F5: variants seen among roughly 807,000 people sequenced by gnomAD.
F5 encodes coagulation factor V, also known as activated protein c cofactor.
A neutral mutation model predicts 216.4 loss-of-function variants in F5; 138 were observed. That is an observed-to-expected ratio of 0.64 (90% confidence interval 0.56 to 0.73). The LOEUF is 0.73. F5 is among the 30% of genes least tolerant of loss of function. F5 has a pLI of 0.00. For missense variants in F5, 2,403 were observed against 2,674.0 expected (o/e 0.90, Z 2.24); for synonymous variants, 916 against 930.7 (o/e 0.98, Z 0.29).
At position 169,549,930 on chromosome 1, in the gene F5, T is replaced by C. The variant is rs1053103576; in HGVS notation, c.1482A>G (p.Thr494=). 6.2e-6 allele frequency: 10 copies of C among 1,614,192 alleles called. No homozygotes were observed. The South Asian group carries it at 9.9e-5, about 16-fold the overall frequency. The change falls in exon 10 of 25, where the codon ACA becomes ACG. Residue 494 remains threonine, a synonymous_variant. Coordinates refer to ENST00000367797, the MANE Select transcript of F5 (RefSeq NM_000130.5). Reference sequence around the variant, plus strand: ...TTGTTAAGCACTGGGCATCATTTTCTGTGGGTTCATCAAACTCTAAGATGT... The same window carrying C: ...TTGTTAAGCACTGGGCATCATTTTCCGTGGGTTCATCAAACTCTAAGATGT... ...KWNILEFDEP[T]ENDAQCLTRP... is the part of the protein sequence containing the mutation.
intron 14 of F5, among the ~76,000 whole-genome samples, chr1:169,533,619 C>A (rs921883265): frequency 1.3e-5 from 2 of 151,986 alleles, no homozygotes; most frequent in South Asian, 2.1e-4. Flanking sequence ...AGAAGACATA[C>A]AAATAGCCAA....
rs1180481755 is a variant in F5, at chr1:169,524,861, G to A, written c.5764C>T (p.Gln1922Ter). 1.2e-6 allele frequency: 2 copies of A among 1,613,600 alleles called. No homozygotes were observed. Among genetic ancestry groups the A allele is most frequent in the African/African-American group, 1.3e-5 (1 of 74,862 alleles). Residue 1922 changes from glutamine to a stop codon, truncating the protein, a stop_gained, in exon 19 of 25, where the codon CAG becomes TAG. Transcript: ENST00000367797. LOFTEE classifies it high-confidence loss of function. The stretch of plus-strand genomic sequence containing the variant: ...CCCAGAAACTCTGAAGCCTTGATCT[G>A]TGAATCAGATATGATACCAGTGCTT... ...GLSTGIISDS[Q>*]IKASEFLGYW... is the part of the protein sequence containing the mutation.
intron 2 of F5, among the ~76,000 whole-genome samples, chr1:169,577,535 T>C (rs1227877243): frequency 7.5e-6 from 1 of 132,916 alleles, no homozygotes; most frequent in East Asian, 2.2e-4. Flanking sequence ...ATGACAGGTA[T>C]GTACCACCAT....
intron 24 of F5, 27 bp from the exon 25 acceptor site, chr1:169,514,486 T>C: frequency 6.2e-7 from 1 of 1,604,796 alleles, no homozygotes; most frequent in Non-Finnish European, 8.5e-7. Flanking sequence ...AGAAAATCTT[T>C]AATGACAACA....
In F5 at chr1:169,540,982, G is replaced by T; in HGVS notation, c.4108C>A (p.Leu1370Ile). ...DPSHTTLSLDLSQTNLSPELS... is the reference protein window; with the variant it reads ...DPSHTTLSLDISQTNLSPELS... ...TCTGGAGAGAGGTTTGTCTGGCTGA[G>T]GTCTAGAGAAAGGGTTGTATGGCTG... Residue 1370 changes from leucine to isoleucine, a missense_variant, in exon 13 of 25, where the codon CTC becomes ATC. Around this residue, in one of 4 missense-constraint regions of F5, gnomAD observed 293 missense variants for 270.8 expected, o/e 1.08. Coordinates refer to ENST00000367797, the MANE Select transcript of F5 (RefSeq NM_000130.5). 1 of 1,594,044 alleles carries T rather than the reference G, an allele frequency of 6.3e-7. No homozygotes were observed. Among genetic ancestry groups the T allele is most frequent in the Non-Finnish European group, 8.6e-7 (1 of 1,165,188 alleles).
chr1:169,556,560 G>C, intron 6 of F5, 86 bp downstream of exon 6: 1 of 1,356,670 alleles, frequency 7.4e-7, no homozygotes, highest in Admixed American at 1.8e-5. Context: ...CAGGTGGCTT[G>C]AAAGGGCAAG....
chr1:169,520,120 T>C (rs2227244), intron 22 of F5, among the ~76,000 whole-genome samples: 37,239 of 152,072 alleles, frequency 0.24, 4,759 homozygotes, highest in Admixed American at 0.34. Flanking sequence ...TTGAACACCA[T>C]ATATATGGCA....
rs1376851823 is a variant in F5, at chr1:169,513,188, A to G, written c.*1125T>C. On this transcript the variant is annotated 3_prime_UTR_variant, in exon 25 of 25. Coordinates refer to ENST00000367797, the MANE Select transcript of F5 (RefSeq NM_000130.5). ...TTTATGGTATACATAACATTTTGAT[A>G]TATGTACACGTTACAGGATGATTAA... Among the ~76,000 whole-genome samples, 1 of 152,030 alleles carries G rather than the reference A, an allele frequency of 6.6e-6. No homozygotes were observed. Among genetic ancestry groups the G allele is most frequent in the African/African-American group, 2.4e-5 (1 of 41,410 alleles).
In F5 at chr1:169,523,286, A is replaced by G. The variant is rs1174590593; in HGVS notation, c.5959T>C (p.Ser1987Pro). ...ACATAGAACTCTGTGGTATAGCAGG[A>G]CTTCAGGTAGTGTTTGGCACCTTGG... is the stretch of plus-strand genomic sequence containing the variant. ...QTQGAKHYLK[S>P]CYTTEFYVAY... is the part of the protein sequence containing the mutation. Residue 1987 changes from serine to proline, a missense_variant, in exon 21 of 25, where the codon TCC becomes CCC. Physicochemically the swap from Ser to Pro is moderately conservative, Grantham distance 74. Coordinates refer to ENST00000367797, the MANE Select transcript of F5 (RefSeq NM_000130.5). 1.9e-6 allele frequency: 3 copies of G among 1,614,070 alleles called. No homozygotes were observed. Among genetic ancestry groups the G allele is most frequent in the Non-Finnish European group, 2.5e-6 (3 of 1,179,986 alleles).
chr1:169,528,121 T>C lies in F5; in HGVS notation c.5420-27A>G, dbSNP rs748150578. ...TGAAAGGACAAAGAGTTGAAATCAA[T>C]TAAAAATCTGTTGACACAGAGAGGG... On this transcript the variant is annotated intron_variant, in intron 16 of 24. Coordinates refer to ENST00000367797, the MANE Select transcript of F5 (RefSeq NM_000130.5). 7.4e-6 allele frequency: 12 copies of C among 1,612,856 alleles called. No homozygotes were observed. In the African/African-American group the frequency reaches 1.6e-4, roughly 22 times the overall value.
At chr1:169,581,515 G>A (rs983270787) in intron 2 of F5, among the ~76,000 whole-genome samples, 8 of 151,942 alleles carry the variant, frequency 5.3e-5, no homozygotes, top group African/African-American at 1.9e-4. Flanking sequence ...TTTAGTCGTT[G>A]ATTTTTAACT....
chr1:169,530,317 T>A (rs1659563621), intron 15 of F5, among the ~76,000 whole-genome samples: 1 of 152,230 alleles, frequency 6.6e-6, no homozygotes, highest in South Asian at 2.1e-4. Flanking sequence ...CTTTCCACTA[T>A]GCCTGAAATG....
chr1:169,579,277 C>T (rs557029985), intron 2 of F5, among the ~76,000 whole-genome samples: 5 of 152,314 alleles, frequency 3.3e-5, no homozygotes, highest in East Asian at 3.9e-4. Flanking sequence ...TTCTTCTCCC[C>T]TCCCTGAACA....
At chr1:169,525,522 G>C (rs1057366958) in intron 18 of F5, among the ~76,000 whole-genome samples, 3 of 152,170 alleles carry the variant, frequency 2.0e-5, no homozygotes, top group African/African-American at 4.8e-5. Context: ...TGGATGAACA[G>C]ATGGACAGAT....
At chr1:169,554,211 C>T (rs542934640) in intron 7 of F5, among the ~76,000 whole-genome samples, 6 of 85,490 alleles carry the variant, frequency 7.0e-5, no homozygotes, top group South Asian at 6.9e-4. Flanking sequence ...TAATTTCATG[C>T]GTGTAATTCC....
intron 2 of F5, among the ~76,000 whole-genome samples, chr1:169,574,995 A>C (rs1282261474): frequency 1.3e-5 from 2 of 152,352 alleles, no homozygotes; most frequent in South Asian, 4.1e-4. Context: ...ATAACTTTAT[A>C]CGTTTTTATA....
chr1:169,574,204 C>T (rs1382773087), intron 2 of F5, among the ~76,000 whole-genome samples: 4 of 152,114 alleles, frequency 2.6e-5, no homozygotes, highest in African/African-American at 9.7e-5. Context: ...AACCAATACC[C>T]TGTGGATACC....
At chr1:169,525,199 A>G (rs1557907655) in intron 18 of F5, among the ~76,000 whole-genome samples, 1 of 152,098 alleles carries the variant, frequency 6.6e-6, no homozygotes, top group Non-Finnish European at 1.5e-5. Context: ...ATTTTACAAC[A>G]TTAGGTACCA....
intron 23 of F5, among the ~76,000 whole-genome samples, chr1:169,516,262 C>A (rs901450166): frequency 1.3e-5 from 2 of 152,122 alleles, no homozygotes; most frequent in Non-Finnish European, 2.9e-5. Context: ...CAGTTATTGT[C>A]CTGTCTCTGG....
Sources: allele counts gnomAD v4.1 joint callset (sites outside exome capture counted in the v4.1 genomes callset), GRCh38; gene constraint gnomAD v4.1.1; regional missense constraint gnomAD v4.1.1; transcripts MANE v1.5; gene names NCBI Gene and HGNC (gene_info 2026-07-23, HGNC 2026-07-21).